Variants in CCSER1 observed in about 807,000 individuals in gnomAD.
The protein encoded by CCSER1 is coiled-coil serine rich protein 1, also known as serine-rich coiled-coil domain-containing protein 1.
Under a neutral mutation model 82.0 loss-of-function variants are expected in CCSER1, and 41 were observed. That is an observed-to-expected ratio of 0.50 (90% CI 0.39 to 0.65). The LOEUF (loss-of-function observed/expected upper bound fraction) is 0.65, where lower values mean the gene tolerates loss of function less well. CCSER1 is among the 30% of genes least tolerant of loss of function. CCSER1 has a pLI of 0.00. For missense variants in CCSER1, 1,119 were observed against 1,064.2 expected, an observed-to-expected ratio of 1.05 and a Z score of -0.72; for synonymous variants, 414 against 383.9, an observed-to-expected ratio of 1.08 and a Z score of -0.92.
At position 90,891,306 on chromosome 4, in the gene CCSER1, A is replaced by T. The variant is rs564302364; in HGVS notation, c.2095-32064A>T. Among the ~76,000 whole-genome samples, 4 of 151,850 alleles carry T rather than the reference A, an allele frequency of 2.6e-5. No homozygotes were observed. In the East Asian group the frequency reaches 7.7e-4, roughly 29 times the overall value. Reference sequence around the variant, plus strand: ...ATATTATTAATAAGTGGCTAATCAAATATATTTATATAATGTCAATGTCAA... The same window carrying T: ...ATATTATTAATAAGTGGCTAATCAATTATATTTATATAATGTCAATGTCAA... On this transcript the variant is annotated intron_variant, in intron 8 of 10. Transcript: ENST00000509176.
At chr4:90,802,597 A>T (rs1023362938) in intron 7 of CCSER1, among the ~76,000 whole-genome samples, 25 of 152,048 alleles carry the variant, frequency 1.6e-4, no homozygotes, top group Admixed American at 1.6e-3. Flanking sequence ...TATATAAAAT[A>T]TTTTTTAATT....
chr4:90,471,046 ATAT>A (rs1764332276), intron 5 of CCSER1, among the ~76,000 whole-genome samples: 2 of 152,276 alleles, frequency 1.3e-5, no homozygotes, highest in African/African-American at 4.8e-5. Flanking sequence ...ATAGGTAATA[ATAT>A]TATTATCACC....
intron 10 of CCSER1, among the ~76,000 whole-genome samples, chr4:91,499,099 G>T (rs1413457512): frequency 6.6e-6 from 1 of 151,692 alleles, no homozygotes; most frequent in Admixed American, 6.6e-5. Context: ...GGAAAGGCTG[G>T]GTCAAATGTT....
chr4:90,724,716 T>C, intron 7 of CCSER1: 1 of 343,990 alleles, frequency 2.9e-6, no homozygotes, highest in Non-Finnish European at 5.7e-6. Context: ...TGGGATGATG[T>C]ACTTAAGTGC....
At chr4:91,568,487 G>A (rs1374889238) in intron 10 of CCSER1, among the ~76,000 whole-genome samples, 2 of 152,138 alleles carry the variant, frequency 1.3e-5, no homozygotes, top group Non-Finnish European at 2.9e-5. Flanking sequence ...GGAAGCCAGT[G>A]ATTCATTGAT....
At chr4:91,416,848 AC>A (rs774239076) in intron 10 of CCSER1, among the ~76,000 whole-genome samples, 1 of 152,218 alleles carries the variant, frequency 6.6e-6, no homozygotes, top group African/African-American at 2.4e-5. Context: ...GCCAGAATTG[AC>A]AAATAGGATC....
At chr4:91,244,342 C>T (rs536751357) in intron 10 of CCSER1, among the ~76,000 whole-genome samples, 61 of 152,330 alleles carry the variant, frequency 4.0e-4, no homozygotes, top group Middle Eastern at 3.4e-3. Context: ...GGGGAACTTA[C>T]TACCTTGAAG....
At chr4:91,480,712 C>T (rs1359040339) in intron 10 of CCSER1, among the ~76,000 whole-genome samples, 1 of 152,186 alleles carries the variant, frequency 6.6e-6, no homozygotes, top group African/African-American at 2.4e-5. Context: ...CACCTAACTC[C>T]AGGAGATGTT....
chr4:90,491,528 C>A (rs1286254771), intron 5 of CCSER1, among the ~76,000 whole-genome samples: 1 of 151,366 alleles, frequency 6.6e-6, no homozygotes, highest in South Asian at 2.1e-4. Context: ...TGCCTGATTG[C>A]CCTGGCCAGA....
chr4:90,136,974 G>A (rs1281496494), intron 1 of CCSER1, among the ~76,000 whole-genome samples: 1 of 152,002 alleles, frequency 6.6e-6, no homozygotes, highest in African/African-American at 2.4e-5. Context: ...TATTTTAGAG[G>A]TAACAAAACC....
chr4:91,289,368 T>A (rs1007196566), intron 10 of CCSER1, among the ~76,000 whole-genome samples: 1 of 151,916 alleles, frequency 6.6e-6, no homozygotes, highest in African/African-American at 2.4e-5. Context: ...GATAAAAGAA[T>A]CAACAGAATC....
At chr4:91,348,199 G>GT (rs746966060) in intron 10 of CCSER1, among the ~76,000 whole-genome samples, 6 of 152,010 alleles carry the variant, frequency 3.9e-5, no homozygotes, top group Middle Eastern at 3.4e-3. Flanking sequence ...ATGAGAATTG[G>GT]TTTTTTTAGA....
intron 10 of CCSER1, among the ~76,000 whole-genome samples, chr4:91,257,159 A>G (rs1188208774): frequency 6.6e-6 from 1 of 152,166 alleles, no homozygotes; most frequent in Non-Finnish European, 1.5e-5. Context: ...TGTTAGTAAA[A>G]ACATAGAATA....
At chr4:91,000,655 A>G (rs1405760707) in intron 9 of CCSER1, among the ~76,000 whole-genome samples, 1 of 152,020 alleles carries the variant, frequency 6.6e-6, no homozygotes, top group Non-Finnish European at 1.5e-5. Context: ...GATTAGATGT[A>G]TTCCTAGACA....
intron 10 of CCSER1, among the ~76,000 whole-genome samples, chr4:91,106,736 C>T (rs1200702509): frequency 6.6e-6 from 1 of 152,190 alleles, no homozygotes; most frequent in Non-Finnish European, 1.5e-5. Flanking sequence ...AAATTCCACA[C>T]CACTGTACTC....
At chr4:90,337,181 A>G (rs549131618) in intron 3 of CCSER1, among the ~76,000 whole-genome samples, 1 of 152,370 alleles carries the variant, frequency 6.6e-6, no homozygotes, top group African/African-American at 2.4e-5. Flanking sequence ...ATAAGTTGAA[A>G]TGTAATGCAG....
chr4:90,421,701 G>A (rs1756716116), intron 4 of CCSER1, among the ~76,000 whole-genome samples: 1 of 152,062 alleles, frequency 6.6e-6, no homozygotes, highest in Admixed American at 6.6e-5. Flanking sequence ...AAAGAATATG[G>A]GGAAAAACAT....
intron 8 of CCSER1, among the ~76,000 whole-genome samples, chr4:90,840,449 A>T (rs897906996): frequency 6.6e-6 from 1 of 152,214 alleles, no homozygotes; most frequent in Non-Finnish European, 1.5e-5. Flanking sequence ...TTCCTACATT[A>T]TGATTAGCCT....
chr4:90,215,998 G>A (rs79678385), intron 1 of CCSER1, among the ~76,000 whole-genome samples: 1,682 of 152,190 alleles, frequency 0.011, 41 homozygotes, highest in African/African-American at 0.038. Context: ...AATGAATTCC[G>A]CTCACCAACT....
Sources: allele counts gnomAD v4.1 joint callset (sites outside exome capture counted in the v4.1 genomes callset), GRCh38; gene constraint gnomAD v4.1.1; transcripts MANE v1.5; gene names NCBI Gene and HGNC (gene_info 2026-07-23, HGNC 2026-07-21).